The following OOSP4B variants were observed in gnomAD, a reference collection of about 807,000 sequenced individuals.
The protein encoded by OOSP4B is oocyte secreted protein family member 4B, also known as oocyte-secreted protein 4B.
chr11:60,027,663 A>AAAAAAAAAAAAAAAAAAG (rs1854757880), intron 3 of OOSP4B, among the ~76,000 whole-genome samples: 1 of 143,384 alleles, frequency 7.0e-6, no homozygotes, highest in Non-Finnish European at 1.5e-5. Flanking sequence ...ATTAAAAAAA[A>AAAAAAAAAAAAAAAAAAG]AAAAAAAAAA....
At chr11:60,022,565 C>A (rs1274344934) in intron 1 of OOSP4B, among the ~76,000 whole-genome samples, 2 of 152,182 alleles carry the variant, frequency 1.3e-5, no homozygotes, top group African/African-American at 4.8e-5. Context: ...AAATAAGGCT[C>A]ATTCTAAGCC....
intron 1 of OOSP4B, among the ~76,000 whole-genome samples, chr11:60,021,079 G>C (rs1272130732): frequency 1.3e-5 from 2 of 152,142 alleles, no homozygotes; most frequent in Non-Finnish European, 2.9e-5. Context: ...AAAGAAATCT[G>C]GCCTCTCATC....
chr11:60,028,307 A>T (rs1854766610), intron 3 of OOSP4B, among the ~76,000 whole-genome samples: 1 of 151,710 alleles, frequency 6.6e-6, no homozygotes, highest in African/African-American at 2.4e-5. Flanking sequence ...CTGGGATTAC[A>T]GGCATACCCC....
chr11:60,030,256 T>C (rs1206661791), intron 4 of OOSP4B, among the ~76,000 whole-genome samples: 1 of 152,224 alleles, frequency 6.6e-6, no homozygotes, highest in African/African-American at 2.4e-5. Flanking sequence ...TTCATACTAA[T>C]ATTTGTAGAA....
intron 3 of OOSP4B, among the ~76,000 whole-genome samples, 174 bp from the exon 4 acceptor site, chr11:60,029,608 C>G (rs1261947853): frequency 6.6e-6 from 1 of 152,194 alleles, no homozygotes; most frequent in Non-Finnish European, 1.5e-5. Flanking sequence ...CCATCCTATT[C>G]AAGGTTCTGT....
chr11:60,020,222 G>A (rs1436959494), intron 1 of OOSP4B, among the ~76,000 whole-genome samples: 1 of 152,236 alleles, frequency 6.6e-6, no homozygotes, highest in Non-Finnish European at 1.5e-5. Context: ...CGGGGCTGCA[G>A]GTGGAGCTGC....
intron 1 of OOSP4B, among the ~76,000 whole-genome samples, chr11:60,019,184 T>A (rs540419760): frequency 6.6e-6 from 1 of 151,828 alleles, no homozygotes; most frequent in Non-Finnish European, 1.5e-5. Flanking sequence ...GATTGCGCCA[T>A]TGCACTCAAG....
In OOSP4B at chr11:60,030,829, C is replaced by T. The variant is rs908748818; in HGVS notation, c.478C>T (p.Gln160Ter). The T allele has an allele frequency of 1.0e-5, 4 of 398,082 alleles. No individual in the cohort carries two copies. The highest frequency in any genetic ancestry group is 1.8e-5 in the Non-Finnish European group (4 of 225,872). The allele number at this position is 398,082 out of a possible 1,614,324, so 24.7% of individuals were successfully genotyped here. A position where few individuals can be genotyped will look rare whatever the true frequency, so the allele number is the denominator to read the frequency against. ...GCAACTATCCAAGAAGTCACTGTATCAATAATGCCTGTGTTATAACACCCT... is the reference window on the plus strand; with the variant it reads ...GCAACTATCCAAGAAGTCACTGTATTAATAATGCCTGTGTTATAACACCCT... The change falls in exon 5 of 5, where the codon CAA becomes TAA. Residue 160 changes from glutamine (Q) to a stop codon, truncating the protein, a stop_gained. Coordinates refer to ENST00000642343, the Ensembl canonical transcript of OOSP4B. LOFTEE classifies it high-confidence loss of function.
chr11:60,028,946 G>C (rs1854775042), intron 3 of OOSP4B, among the ~76,000 whole-genome samples: 1 of 151,702 alleles, frequency 6.6e-6, no homozygotes, highest in Non-Finnish European at 1.5e-5. Context: ...TTAGCAGATG[G>C]GATTGAACTA....
intron 3 of OOSP4B, among the ~76,000 whole-genome samples, chr11:60,026,629 G>A (rs1273531155): frequency 1.3e-5 from 2 of 152,140 alleles, no homozygotes; most frequent in Non-Finnish European, 2.9e-5. Context: ...AAGGCACCCT[G>A]CAAGGAATGA....
chr11:60,030,258 T>TG (rs1262228176), intron 4 of OOSP4B, among the ~76,000 whole-genome samples: 56 of 152,304 alleles, frequency 3.7e-4, no homozygotes, highest in African/African-American at 1.3e-3. Context: ...CATACTAATA[T>TG]TTGTAGAAAA....
At chr11:60,030,445 C>G (rs989255081) in intron 4 of OOSP4B, among the ~76,000 whole-genome samples, 2 of 152,074 alleles carry the variant, frequency 1.3e-5, no homozygotes, top group Non-Finnish European at 2.9e-5. Context: ...TGTCAGAAAA[C>G]TTGTGCATAT....
In OOSP4B at chr11:60,029,781, G is replaced by A. The variant is rs1854787109; in HGVS notation, c.303-1G>A. Reference sequence around the variant, plus strand: ...TTTTCTTTTGTTTGCTCTGCATTTAGGCTTAAATTCCCCTCTGTGATGCAT... The same window carrying A: ...TTTTCTTTTGTTTGCTCTGCATTTAAGCTTAAATTCCCCTCTGTGATGCAT... On this transcript the variant is annotated splice_acceptor_variant, in intron 3 of 4. Transcript: ENST00000642343. LOFTEE classifies it high-confidence loss of function. 1 of 398,238 alleles carries A rather than the reference G, an allele frequency of 2.5e-6. No individual in the cohort carries two copies. The allele number at this position is 398,238 out of a possible 1,614,324, so 24.7% of individuals were successfully genotyped here.
At chr11:60,024,137 T>C in intron 2 of OOSP4B, 76 bp downstream of exon 2, 1 of 397,944 alleles carries the variant, frequency 2.5e-6, no homozygotes, top group Non-Finnish European at 4.4e-6. Flanking sequence ...AAAAGTTCCT[T>C]CCTAATTAAA....
chr11:60,020,179 A>G (rs1472195402), intron 1 of OOSP4B, among the ~76,000 whole-genome samples: 1 of 152,234 alleles, frequency 6.6e-6, no homozygotes, highest in Non-Finnish European at 1.5e-5. Context: ...CAGACTCAGG[A>G]GCCCAGTTGG....
chr11:60,030,845 A>G (rs1854800130), exon 5 of OOSP4B: 1 of 398,266 alleles, frequency 2.5e-6, no homozygotes, highest in Non-Finnish European at 4.4e-6. Flanking sequence ...TGCCTGTGTT[A>G]TAACACCCTC....
chr11:60,030,846 T>C (rs1165390572), exon 5 of OOSP4B: 2 of 398,148 alleles, frequency 5.0e-6, no homozygotes, highest in African/African-American at 2.1e-5. Flanking sequence ...GCCTGTGTTA[T>C]AACACCCTCT....
At chr11:60,022,859 A>G (rs1787780642) in intron 1 of OOSP4B, among the ~76,000 whole-genome samples, 1 of 152,132 alleles carries the variant, frequency 6.6e-6, no homozygotes, top group South Asian at 2.1e-4. Context: ...TCAGGTTAAT[A>G]TGAGAAGATT....
chr11:60,017,976 G>A (rs1854643254), intron 1 of OOSP4B, among the ~76,000 whole-genome samples: 1 of 152,162 alleles, frequency 6.6e-6, no homozygotes, highest in South Asian at 2.1e-4. Context: ...CTTGTTAGCT[G>A]CATGAACTTG....
Sources: allele counts gnomAD v4.1 joint callset (sites outside exome capture counted in the v4.1 genomes callset), GRCh38; gene constraint gnomAD v4.1.1; transcripts MANE v1.5; gene names NCBI Gene and HGNC (gene_info 2026-07-23, HGNC 2026-07-21).